The following OSBPL10 variants were observed in gnomAD, a reference collection of about 807,000 sequenced individuals.
OSBPL10 encodes the protein oxysterol-binding protein-related protein 10.
In OSBPL10, 49 loss-of-function variants were observed where a neutral mutation model predicts 81.7. That is an observed-to-expected ratio of 0.60 (90% CI 0.48 to 0.76). The LOEUF (loss-of-function observed/expected upper bound fraction) is 0.76, where lower values mean the gene tolerates loss of function less well. OSBPL10 is among the 30% of genes least tolerant of loss of function. OSBPL10 has a pLI of 0.00. For synonymous variants in OSBPL10, 419 were observed against 383.6 expected, an observed-to-expected ratio of 1.09 and a Z score of -1.08; for missense variants, 923 against 987.8, an observed-to-expected ratio of 0.93 and a Z score of 0.88.
chr3:31,685,581 G>A (rs775432787), intron 7 of OSBPL10, among the ~76,000 whole-genome samples: 7 of 152,186 alleles, frequency 4.6e-5, no homozygotes, highest in Non-Finnish European at 1.0e-4. Flanking sequence ...AAACTGGAAA[G>A]CTAGCCCAGA....
chr3:31,859,742 T>G (rs1701015151), intron 3 of OSBPL10, among the ~76,000 whole-genome samples: 1 of 152,188 alleles, frequency 6.6e-6, no homozygotes, highest in Non-Finnish European at 1.5e-5. Flanking sequence ...TTAAGTTTAT[T>G]TTTCTGTGCA....
At chr3:32,002,760 G>A (rs59870036) in intron 2 of OSBPL10, among the ~76,000 whole-genome samples, 11,433 of 151,942 alleles carry the variant, frequency 0.075, 660 homozygotes, top group East Asian at 0.32. Context: ...GGGGGTTGTT[G>A]TGACCCTTTA....
chr3:31,925,745 G>A (rs1048217581), intron 1 of OSBPL10, among the ~76,000 whole-genome samples: 4 of 152,098 alleles, frequency 2.6e-5, no homozygotes, highest in African/African-American at 4.8e-5. Flanking sequence ...CCTGGGAGAC[G>A]GAGGTTGCAG....
chr3:31,734,083 T>C (rs962201809), intron 5 of OSBPL10, among the ~76,000 whole-genome samples: 2 of 152,212 alleles, frequency 1.3e-5, no homozygotes, highest in South Asian at 2.1e-4. Flanking sequence ...GCTCAAAATG[T>C]GGTTTGAATT....
chr3:31,846,140 G>C (rs545095591), intron 3 of OSBPL10, among the ~76,000 whole-genome samples: 1 of 152,080 alleles, frequency 6.6e-6, no homozygotes, highest in Non-Finnish European at 1.5e-5. Flanking sequence ...AGCCTCCCGC[G>C]TGGCGGGGAC....
chr3:31,772,881 C>T (rs1325209286), intron 4 of OSBPL10, among the ~76,000 whole-genome samples: 3 of 152,136 alleles, frequency 2.0e-5, no homozygotes, highest in African/African-American at 4.8e-5. Context: ...TCTTGATTCT[C>T]GGAACCTTCC....
intron 1 of OSBPL10, among the ~76,000 whole-genome samples, chr3:31,969,096 TTAAGG>T (rs1236737806): frequency 2.0e-5 from 3 of 152,142 alleles, no homozygotes; most frequent in Non-Finnish European, 4.4e-5. Context: ...AAGCCCATTG[TTAAGG>T]TATTAGTAAT....
chr3:31,970,229 C>T (rs1361054733), intron 1 of OSBPL10, among the ~76,000 whole-genome samples: 1 of 152,078 alleles, frequency 6.6e-6, no homozygotes, highest in Admixed American at 6.5e-5. Flanking sequence ...GAAGCATATT[C>T]CTCCCCCTCC....
In OSBPL10 at chr3:31,743,031, G is replaced by GTTT. The variant is rs10715360; in HGVS notation, c.940+4876_940+4878dup. On this transcript the variant is annotated intron_variant, in intron 5 of 11. Transcript: ENST00000396556. Reference sequence around the variant, plus strand: ...AAGTCTTGACCGAAAAGCTAAATTAGTTTTTTTTTTTTTTTTTTTTTTTTT... The same window carrying GTTT: ...AAGTCTTGACCGAAAAGCTAAATTAGTTTTTTTTTTTTTTTTTTTTTTTTTTTT... Among the ~76,000 whole-genome samples the GTTT allele has an allele frequency of 5.1e-3, 296 of 57,512 alleles. 8 individuals are homozygous for GTTT. The highest frequency in any genetic ancestry group is 0.029 in the Middle Eastern group (3 of 102). The allele number at this position is 57,512 out of a possible 152,430, so 37.7% of individuals were successfully genotyped here.
At position 31,761,821 on chromosome 3, in the gene OSBPL10, A is replaced by AAACAAAAAAAAAC. The variant is rs1200086492; in HGVS notation, c.730-13702_730-13701insGTTTTTTTTTGTT. 1.4e-5 allele frequency among the ~76,000 whole-genome samples: 2 copies of AAACAAAAAAAAAC among 138,080 alleles called. 1 individual carries two copies. The highest frequency in any genetic ancestry group is 6.8e-5 in the African/African-American group (2 of 29,562). 90.6% of individuals were successfully genotyped at this position (138,080 alleles called of 152,430 possible). On this transcript the variant is annotated intron_variant, in intron 4 of 11. Coordinates refer to ENST00000396556, the MANE Select transcript of OSBPL10 (RefSeq NM_017784.5). Reference sequence around the variant, plus strand: ...CAGAGCAAGACTGTCTCTAAAAAAAAAAAAAAAAAACCCTAAAGGGAGTCA... The same window carrying AAACAAAAAAAAAC: ...CAGAGCAAGACTGTCTCTAAAAAAAAAACAAAAAAAAACAAAAAAAAAACCCTAAAGGGAGTCA...
chr3:31,869,416 C>T (rs1404996037), intron 3 of OSBPL10, among the ~76,000 whole-genome samples: 2 of 152,168 alleles, frequency 1.3e-5, no homozygotes, highest in African/African-American at 4.8e-5. Context: ...CGCCAAAATG[C>T]TCACCTTGTA....
intron 1 of OSBPL10, among the ~76,000 whole-genome samples, chr3:31,910,260 T>C (rs2125691202): frequency 6.6e-6 from 1 of 151,784 alleles, no homozygotes; most frequent in East Asian, 2.0e-4. Context: ...ATTACAGGTG[T>C]GAGCCAGTGC....
At chr3:31,860,319 G>A (rs562868138) in intron 3 of OSBPL10, among the ~76,000 whole-genome samples, 2 of 152,216 alleles carry the variant, frequency 1.3e-5, no homozygotes, top group South Asian at 4.2e-4. Context: ...CTTGCCCCCA[G>A]GTCTATGGAG....
intron 6 of OSBPL10, among the ~76,000 whole-genome samples, chr3:31,717,377 G>A (rs754245069): frequency 6.6e-6 from 1 of 152,076 alleles, no homozygotes; most frequent in African/African-American, 2.4e-5. Flanking sequence ...CAAAGCTCAG[G>A]TCTTATTCTT....
chr3:31,874,480 C>CA (rs1008320269), intron 3 of OSBPL10, among the ~76,000 whole-genome samples: 1 of 150,366 alleles, frequency 6.7e-6, no homozygotes, highest in Non-Finnish European at 1.5e-5. Context: ...AATGACAGGC[C>CA]AAAAAAAATC....
chr3:31,917,608 A>C (rs61289065), intron 1 of OSBPL10, among the ~76,000 whole-genome samples: 44,590 of 149,302 alleles, frequency 0.3, 7,515 homozygotes, highest in African/African-American at 0.44. Context: ...GCCTGATTTA[A>C]AACACAAAAA....
chr3:31,697,390 T>C (rs1483929666), intron 7 of OSBPL10, among the ~76,000 whole-genome samples: 6 of 62,728 alleles, frequency 9.6e-5, no homozygotes, highest in African/African-American at 3.3e-4. Context: ...ATAAAAAAAA[T>C]TGGGGGGGGG....
rs565051602 is a variant in OSBPL10 at position 31,854,143 on chromosome 3, T to G, written c.537+22290A>C. ...ATATACATTATATCTCAGTAAAGTT[T>G]TTTTTTTTTTTTAAGGATAACTTTA... On this transcript the variant is annotated intron_variant, in intron 3 of 11. Coordinates refer to ENST00000396556, the MANE Select transcript of OSBPL10 (RefSeq NM_017784.5). Among the ~76,000 whole-genome samples, 4 of 150,972 alleles carry G rather than the reference T, an allele frequency of 2.6e-5. No individual in the cohort carries two copies. The South Asian group carries it at 8.7e-4, about 33-fold the overall frequency.
intron 3 of OSBPL10, 100 bp from the exon 4 acceptor site, chr3:31,830,331 C>T: frequency 1.6e-6 from 2 of 1,242,502 alleles, no homozygotes; most frequent in Non-Finnish European, 2.2e-6. Context: ...TTTCCCCTTC[C>T]TCTCTTTAGG....
Sources: allele counts gnomAD v4.1 joint callset (sites outside exome capture counted in the v4.1 genomes callset), GRCh38; gene constraint gnomAD v4.1.1; transcripts MANE v1.5; gene names NCBI Gene and HGNC (gene_info 2026-07-23, HGNC 2026-07-21).